Variants in SLCO1A2 observed in about 807,000 individuals in gnomAD.
SLCO1A2 encodes OATP-1.
SLCO1A2 carries 67 observed loss-of-function variants against 69.0 expected under a neutral mutation model. That is an observed-to-expected ratio of 0.97 (90% CI 0.80 to 1.19). The LOEUF (loss-of-function observed/expected upper bound fraction) is 1.19. SLCO1A2 is among the 50% of genes most tolerant of loss of function. The pLI is 0.00. For missense variants in SLCO1A2, 787 were observed against 793.7 expected (o/e 0.99, Z 0.10); for synonymous variants, 260 against 265.9 (o/e 0.98, Z 0.22).
chr12:21,388,110 C>A (rs1407716334), intron 1 of SLCO1A2, among the ~76,000 whole-genome samples: 2 of 152,152 alleles, frequency 1.3e-5, no homozygotes, highest in African/African-American at 2.4e-5. Context: ...CCTATTGTAT[C>A]TAGGAAGTAA....
chr12:21,294,150 G>C, intron 10 of SLCO1A2, 40 bp from the exon 11 acceptor site: 1 of 1,416,500 alleles, frequency 7.1e-7, no homozygotes, highest in Non-Finnish European at 9.5e-7. Flanking sequence ...ATTAAAAGAG[G>C]ATTCAATCCT....
chr12:21,286,822 A>C (rs1174442180), intron 12 of SLCO1A2, among the ~76,000 whole-genome samples: 1 of 140,808 alleles, frequency 7.1e-6, no homozygotes, highest in Non-Finnish European at 1.5e-5. Flanking sequence ...GAAAGCTGAA[A>C]CTGGATCCCT....
At chr12:21,309,849 C>T (rs1949890630) in intron 4 of SLCO1A2, among the ~76,000 whole-genome samples, 1 of 152,016 alleles carries the variant, frequency 6.6e-6, no homozygotes, top group Admixed American at 6.5e-5. Context: ...TAGAGAATTC[C>T]AAGTTCAGAT....
chr12:21,377,385 TTTA>T (rs1290339011), intron 1 of SLCO1A2, among the ~76,000 whole-genome samples: 1 of 152,212 alleles, frequency 6.6e-6, no homozygotes, highest in South Asian at 2.1e-4. Flanking sequence ...TATTTTTTAC[TTTA>T]TTATATTTCA....
At chr12:21,334,187 G>A (rs1448754084) in intron 2 of SLCO1A2, among the ~76,000 whole-genome samples, 1 of 152,052 alleles carries the variant, frequency 6.6e-6, no homozygotes, top group Non-Finnish European at 1.5e-5. Flanking sequence ...GTTTTGCTGG[G>A]TAATTGCATA....
upstream of SLCO1A2, among the ~76,000 whole-genome samples, chr12:21,399,890 G>C (rs1941628113): frequency 6.7e-6 from 1 of 150,340 alleles, no homozygotes; most frequent in South Asian, 2.1e-4. Context: ...ATGGATTAAA[G>C]ACTTAAACGT....
chr12:21,333,417 G>A (rs990049565), intron 2 of SLCO1A2, among the ~76,000 whole-genome samples: 22 of 152,038 alleles, frequency 1.4e-4, no homozygotes, highest in African/African-American at 5.3e-4. Context: ...CAACAACAAA[G>A]TTTAAAGCAA....
At chr12:21,350,698 G>A (rs1469621922) in intron 2 of SLCO1A2, among the ~76,000 whole-genome samples, 12 of 151,526 alleles carry the variant, frequency 7.9e-5, no homozygotes, top group Middle Eastern at 3.2e-3. Flanking sequence ...TTAGCCGGGC[G>A]TGGTGGCACG....
intron 1 of SLCO1A2, among the ~76,000 whole-genome samples, chr12:21,408,594 T>C (rs1358910678): frequency 6.6e-6 from 1 of 152,156 alleles, no homozygotes; most frequent in Non-Finnish European, 1.5e-5. Flanking sequence ...CCCTTCTCTG[T>C]TGATGAAACT....
chr12:21,395,282 G>C (rs1458944383), exon 1 of SLCO1A2: 1 of 152,672 alleles, frequency 6.5e-6, no homozygotes, highest in Non-Finnish European at 1.5e-5. Context: ...GGAAAATCGG[G>C]TCACTCCCAC....
intron 1 of SLCO1A2, among the ~76,000 whole-genome samples, chr12:21,402,277 T>G (rs963240603): frequency 6.6e-6 from 1 of 151,734 alleles, no homozygotes; most frequent in Non-Finnish European, 1.5e-5. Context: ...ATATGAGAGG[T>G]GAGCTTTATA....
At chr12:21,301,964 C>G (rs1409649636) in intron 6 of SLCO1A2, among the ~76,000 whole-genome samples, 1 of 152,138 alleles carries the variant, frequency 6.6e-6, no homozygotes, top group Admixed American at 6.6e-5. Flanking sequence ...CTGTTCACTT[C>G]AAAATTTGGC....
At chr12:21,310,622 G>T (rs1312734614) in intron 4 of SLCO1A2, among the ~76,000 whole-genome samples, 9 of 152,244 alleles carry the variant, frequency 5.9e-5, no homozygotes, top group Admixed American at 5.9e-4. Flanking sequence ...TTGTTTTTGA[G>T]ACGGAGTCTC....
intron 2 of SLCO1A2, among the ~76,000 whole-genome samples, chr12:21,363,035 C>A (rs530438806): frequency 1.3e-5 from 2 of 152,270 alleles, no homozygotes; most frequent in South Asian, 4.1e-4. Context: ...CAGCTCTGCA[C>A]CAAGCGGACC....
At chr12:21,364,101 G>T (rs1351789746) in intron 2 of SLCO1A2, among the ~76,000 whole-genome samples, 1 of 152,030 alleles carries the variant, frequency 6.6e-6, no homozygotes, top group Non-Finnish European at 1.5e-5. Flanking sequence ...CAAAAAAAGA[G>T]AATTTTAGAC....
chr12:21,417,130 T>C (rs1044836598), intron 1 of SLCO1A2, among the ~76,000 whole-genome samples: 3 of 151,858 alleles, frequency 2.0e-5, no homozygotes, highest in African/African-American at 4.8e-5. Flanking sequence ...TTCTAGAAGA[T>C]TTGGGAAGAA....
chr12:21,414,692 G>A (rs1234326584), intron 1 of SLCO1A2, among the ~76,000 whole-genome samples: 1 of 151,954 alleles, frequency 6.6e-6, no homozygotes, highest in Non-Finnish European at 1.5e-5. Flanking sequence ...TGCATGTATT[G>A]TTTAGATATT....
intron 6 of SLCO1A2, among the ~76,000 whole-genome samples, chr12:21,304,104 A>C (rs1949055187): frequency 6.6e-6 from 1 of 152,230 alleles, no homozygotes; most frequent in South Asian, 2.1e-4. Flanking sequence ...AAGGTTTTGA[A>C]TGCACAGAAC....
chr12:21,303,853 T>C (rs980587693), intron 6 of SLCO1A2, among the ~76,000 whole-genome samples: 34 of 152,188 alleles, frequency 2.2e-4, no homozygotes, highest in African/African-American at 7.9e-4. Context: ...ACTAAGTAAG[T>C]GAATGTCATG....
Sources: allele counts gnomAD v4.1 joint callset (sites outside exome capture counted in the v4.1 genomes callset), GRCh38; gene constraint gnomAD v4.1.1; transcripts MANE v1.5; gene names NCBI Gene and HGNC (gene_info 2026-07-23, HGNC 2026-07-21).